PKD2L1: variants seen among roughly 807,000 people sequenced by gnomAD.
PKD2L1 encodes the protein polycystin 2 like 1, transient receptor potential cation channel.
PKD2L1 carries 77 observed loss-of-function variants against 93.0 expected under a neutral mutation model. That is an observed-to-expected ratio of 0.83 (90% CI 0.69 to 1.00). PKD2L1 has a LOEUF of 1.00. Ranked by LOEUF, PKD2L1 falls within the 50% of genes least tolerant of loss-of-function variation. PKD2L1 has a pLI of 0.00. For missense variants in PKD2L1, 977 were observed against 990.9 expected, an observed-to-expected ratio of 0.99 and a Z score of 0.19; for synonymous variants, 390 against 388.0, an observed-to-expected ratio of 1.01 and a Z score of -0.06.
chr10:100,299,183 C>T (rs1231339058), intron 3 of PKD2L1, among the ~76,000 whole-genome samples: 1 of 152,186 alleles, frequency 6.6e-6, no homozygotes. Flanking sequence ...TCTTGAACAA[C>T]TGACCTCAGG....
Position 100,296,157 on chromosome 10 carries a change from T to C in PKD2L1, c.1321A>G (p.Met441Val). 6.2e-7 allele frequency: 1 copy of C among 1,611,444 alleles called. No homozygotes were observed. The highest frequency in any genetic ancestry group is 1.1e-5 in the South Asian group (1 of 90,516). Residue 441 changes from methionine to valine, a missense_variant, in exon 7 of 16, where the codon ATG becomes GTG. Transcript: ENST00000318222. ...LAFWQTQYNN[M>V]NAVNLFFAWI... Reference sequence around the variant, plus strand: ...GCGAAGAAGAGGTTGACAGCATTCATGTTGTTGTACTGTGTCTGCCAGAAG... The same window carrying C: ...GCGAAGAAGAGGTTGACAGCATTCACGTTGTTGTACTGTGTCTGCCAGAAG...
intron 2 of PKD2L1, among the ~76,000 whole-genome samples, chr10:100,303,189 C>CTCT (rs1208083363): frequency 7.4e-5 from 8 of 108,238 alleles, no homozygotes; most frequent in African/African-American, 2.6e-4. Flanking sequence ...TTACATCAAA[C>CTCT]TGTTTTTTTG....
At position 100,306,855 on chromosome 10, in the gene PKD2L1, C is replaced by CAAAA. The variant is rs61413476; in HGVS notation, c.350-7141_350-7138dup. Among the ~76,000 whole-genome samples, 27 of 49,850 alleles carry CAAAA rather than the reference C, an allele frequency of 5.4e-4. 2 individuals are homozygous for CAAAA. The highest frequency in any genetic ancestry group is 1.7e-3 in the African/African-American group (15 of 8,700). The allele number at this position is 49,850 out of a possible 152,430, so 32.7% of individuals were successfully genotyped here. On this transcript the variant is annotated intron_variant, in intron 2 of 15. Transcript: ENST00000318222. ...CCTGGGCGAGAGAGTGAGACCCTGT[C>CAAAA]AAAAAAAAAAAAAAAAAAGAAAGAG...
At chr10:100,304,276 C>T (rs1024883546) in intron 2 of PKD2L1, among the ~76,000 whole-genome samples, 9 of 152,144 alleles carry the variant, frequency 5.9e-5, no homozygotes, top group African/African-American at 1.9e-4. Context: ...GAATTTTGTA[C>T]TCCATCCCAT....
intron 8 of PKD2L1, 121 bp downstream of exon 8, chr10:100,294,821 A>G: frequency 7.7e-7 from 1 of 1,301,416 alleles, no homozygotes; most frequent in South Asian, 1.3e-5. Context: ...GGAGACCCTC[A>G]CACAGATGCT....
chr10:100,299,985 A>G (rs923723998), intron 2 of PKD2L1, among the ~76,000 whole-genome samples: 4 of 152,200 alleles, frequency 2.6e-5, no homozygotes, highest in Admixed American at 1.3e-4. Context: ...TTACATTGTT[A>G]TTATAAAAAT....
At chr10:100,289,487 C>T (rs646637) in intron 14 of PKD2L1, among the ~76,000 whole-genome samples, 2 of 151,998 alleles carry the variant, frequency 1.3e-5, no homozygotes, top group South Asian at 2.1e-4. Flanking sequence ...TGCAGTGAGC[C>T]GAGATCGTGC....
rs544272395 is a variant in PKD2L1 at position 100,294,518 on chromosome 10, C to T, written c.1659+17G>A. On this transcript the variant is annotated intron_variant, in intron 9 of 15. Coordinates refer to ENST00000318222, the MANE Select transcript of PKD2L1 (RefSeq NM_016112.3). Reference sequence around the variant, plus strand: ...CTGCAGGCTCTCTATGTCCCCACCCCTCAGAGAGACCCTCACCAGGAGCAC... The same window carrying T: ...CTGCAGGCTCTCTATGTCCCCACCCTTCAGAGAGACCCTCACCAGGAGCAC... The T allele has an allele frequency of 3.7e-6, 6 of 1,614,046 alleles. No homozygotes were observed. In the South Asian group the frequency reaches 6.6e-5, roughly 18 times the overall value.
At chr10:100,321,279 G>A (rs1238169107) in intron 2 of PKD2L1, among the ~76,000 whole-genome samples, 1 of 151,996 alleles carries the variant, frequency 6.6e-6, no homozygotes, top group Non-Finnish European at 1.5e-5. Context: ...CCAATATGGT[G>A]AAACCTCATC....
At chr10:100,294,788 T>TATA in intron 8 of PKD2L1, 133 bp from the exon 9 acceptor site, 19 of 1,383,134 alleles carry the variant, frequency 1.4e-5, no homozygotes, top group Non-Finnish European at 1.8e-5. Context: ...TTAGATTATT[T>TATA]AAGCACACAC....
rs1379364461 is a variant in PKD2L1, at chr10:100,330,022, G to T, written c.82C>A (p.Pro28Thr). The part of the protein sequence containing the change: ...GAWDNPAYSG[P>T]PSPHGTLRVC... The stretch of plus-strand genomic sequence containing the variant: ...CTCAGCGTCCCGTGTGGGGAAGGGG[G>T]ACCACTGTAGGCGGGGTTGTCCCAG... Residue 28 changes from proline to threonine, a missense_variant, in exon 1 of 16, where the codon CCC becomes ACC. Coordinates refer to ENST00000318222, the MANE Select transcript of PKD2L1 (RefSeq NM_016112.3). 6.2e-7 allele frequency: 1 copy of T among 1,613,516 alleles called. No individual in the cohort carries two copies. Among genetic ancestry groups the T allele is most frequent in the Non-Finnish European group, 8.5e-7 (1 of 1,179,626 alleles).
intron 4 of PKD2L1, 84 bp downstream of exon 4, chr10:100,298,478 C>T: frequency 7.1e-7 from 1 of 1,405,040 alleles, no homozygotes; most frequent in East Asian, 2.3e-5. Context: ...CTTTAAGCCT[C>T]AGTGGAAGTG....
At chr10:100,313,404 A>C (rs144121200) in intron 2 of PKD2L1, among the ~76,000 whole-genome samples, 91 of 152,344 alleles carry the variant, frequency 6.0e-4, no homozygotes, top group African/African-American at 2.0e-3. Flanking sequence ...GATTACATAC[A>C]CAAGGGGTCA....
At chr10:100,297,702 T>TTGTG (rs60373525) in intron 4 of PKD2L1, 96 bp from the exon 5 acceptor site, 17,230 of 602,594 alleles carry the variant, frequency 0.029, 79 homozygotes, top group South Asian at 0.046. Flanking sequence ...GGTTTACATA[T>TTGTG]TGTGTGTGTG....
At chr10:100,315,015 G>T in intron 2 of PKD2L1, among the ~76,000 whole-genome samples, 1 of 9,852 alleles carries the variant, frequency 1.0e-4, no homozygotes, top group African/African-American at 6.8e-4. Flanking sequence ...AGGAAGGAAG[G>T]GAAGGGAAGG....
Position 100,327,570 on chromosome 10 carries a change from A to T in PKD2L1, c.349+1641T>A, listed in dbSNP as rs141441008. On this transcript the variant is annotated intron_variant, in intron 2 of 15. Coordinates refer to ENST00000318222, the MANE Select transcript of PKD2L1 (RefSeq NM_016112.3). Reference sequence around the variant, plus strand: ...TCCTGTTCCAGAGGCTAATCTGGAAAGAGAGACGTTTAAGTCATTTATAGA... The same window carrying T: ...TCCTGTTCCAGAGGCTAATCTGGAATGAGAGACGTTTAAGTCATTTATAGA... Among the ~76,000 whole-genome samples the T allele has an allele frequency of 2.6e-3, 398 of 152,370 alleles. 2 individuals are homozygous for T. The highest frequency in any genetic ancestry group is 9.1e-3 in the African/African-American group (379 of 41,588).
At chr10:100,313,835 T>C (rs544185064) in intron 2 of PKD2L1, among the ~76,000 whole-genome samples, 40 of 152,196 alleles carry the variant, frequency 2.6e-4, no homozygotes, top group Admixed American at 7.9e-4. Flanking sequence ...AAGAAGACTT[T>C]ACGCAGACAG....
chr10:100,299,160 T>C lies in PKD2L1; in HGVS notation c.478-345A>G, dbSNP rs149305599. On this transcript the variant is annotated intron_variant, in intron 3 of 15. Coordinates refer to ENST00000318222, the MANE Select transcript of PKD2L1 (RefSeq NM_016112.3). ...TTAGTAGAGACAGGGTTTCACCATG[T>C]TGTCCAGGCTGGTCTTGAACAACTG... 3.4e-3 allele frequency among the ~76,000 whole-genome samples: 512 copies of C among 152,252 alleles called. 3 individuals are homozygous for C. Among genetic ancestry groups the C allele is most frequent in the African/African-American group, 0.011 (462 of 41,536 alleles).
chr10:100,297,017 C>T lies in PKD2L1; in HGVS notation c.1148G>A (p.Ser383Asn). Residue 383 changes from serine (S) to asparagine (N), a missense_variant, in exon 6 of 16, where the codon AGC (serine) becomes AAC (asparagine). Physicochemically the swap from Ser to Asn is conservative, Grantham distance 46. Coordinates refer to ENST00000318222, the MANE Select transcript of PKD2L1 (RefSeq NM_016112.3). ...CAGGTCCAGTATGTTCCAGATGCTG[C>T]TGAGGTAGCGAAGCCGGTGAATGTG... ...ELHIHRLRYL[S>N]SIWNILDLVV... 6.2e-7 allele frequency: 1 copy of T among 1,613,950 alleles called. No individual in the cohort carries two copies.
Sources: gnomAD v4.1 joint callset for allele counts (sites outside exome capture counted in the v4.1 genomes callset) on GRCh38, gnomAD v4.1.1 for gene constraint, MANE v1.5 for transcripts, NCBI Gene and HGNC (gene_info 2026-07-23, HGNC 2026-07-21) for gene names.